TENM2: variants seen among roughly 807,000 people sequenced by gnomAD.
TENM2 encodes the protein teneurin-2.
TENM2 carries 52 observed loss-of-function variants against 245.2 expected under a neutral mutation model. The observed-to-expected ratio is 0.21, with a 90% CI of 0.17 to 0.27. The LOEUF (loss-of-function observed/expected upper bound fraction) is 0.27, where lower values mean the gene tolerates loss of function less well. Among genes scored for constraint, TENM2 ranks in the 10% least tolerant of loss-of-function variants. The pLI is 1.00. For synonymous variants in TENM2, 1,363 were observed against 1,438.9 expected (o/e 0.95, Z 1.19); for missense variants, 3,046 against 3,666.8 (o/e 0.83, Z 4.37).
intron 3 of TENM2, among the ~76,000 whole-genome samples, chr5:167,880,699 C>T (rs1413340442): frequency 1.3e-5 from 2 of 152,140 alleles, no homozygotes; most frequent in Non-Finnish European, 2.9e-5. Flanking sequence ...TTCCTTGTAA[C>T]CTCCCTTAAA....
chr5:167,473,018 C>G (rs1767135319), intron 2 of TENM2, among the ~76,000 whole-genome samples: 1 of 152,018 alleles, frequency 6.6e-6, no homozygotes, highest in Admixed American at 6.6e-5. Flanking sequence ...AACAAATACA[C>G]TCAGTTAAAA....
chr5:168,202,312 T>A (rs1367874910), intron 17 of TENM2, among the ~76,000 whole-genome samples: 1 of 152,108 alleles, frequency 6.6e-6, no homozygotes, highest in African/African-American at 2.4e-5. Flanking sequence ...TGATTCATTG[T>A]CCAGGGGTGG....
intron 2 of TENM2, among the ~76,000 whole-genome samples, chr5:167,808,848 A>T (rs982552938): frequency 4.6e-5 from 7 of 152,206 alleles, no homozygotes; most frequent in African/African-American, 1.7e-4. Context: ...CTATTCATTC[A>T]GTCATTTATC....
chr5:167,008,517 A>G, the TENM2 span, among the ~76,000 whole-genome samples: 1 of 152,162 alleles, frequency 6.6e-6, no homozygotes, highest in East Asian at 1.9e-4. Flanking sequence ...ACCAAAATGC[A>G]GGACACTTGA....
the TENM2 span, among the ~76,000 whole-genome samples, chr5:167,158,695 C>T: frequency 3.7e-4 from 57 of 152,104 alleles, no homozygotes; most frequent in Non-Finnish European, 7.3e-4. Context: ...TGTCTCCTTA[C>T]AAGGATACAA....
intron 2 of TENM2, among the ~76,000 whole-genome samples, chr5:167,772,011 G>T (rs530550534): frequency 6.6e-6 from 1 of 152,208 alleles, no homozygotes; most frequent in East Asian, 1.9e-4. Flanking sequence ...TATAATTAAG[G>T]ATGATCTTAC....
At chr5:167,372,369 T>C (rs1207273244) in intron 1 of TENM2, among the ~76,000 whole-genome samples, 1 of 152,230 alleles carries the variant, frequency 6.6e-6, no homozygotes, top group African/African-American at 2.4e-5. Flanking sequence ...TTCAATTTCT[T>C]ATCTCAAGTA....
At chr5:168,201,889 T>C (rs1431435201) in intron 17 of TENM2, among the ~76,000 whole-genome samples, 1 of 152,232 alleles carries the variant, frequency 6.6e-6, no homozygotes, top group Admixed American at 6.5e-5. Context: ...GTTCTCGAAT[T>C]GCATAATTAC....
intron 2 of TENM2, among the ~76,000 whole-genome samples, chr5:167,650,341 A>C (rs1473779297): frequency 6.6e-6 from 1 of 152,194 alleles, no homozygotes; most frequent in African/African-American, 2.4e-5. Flanking sequence ...GGTTCTTATA[A>C]CATGGCCTAA....
At chr5:168,091,943 G>T (rs1447540237) in intron 8 of TENM2, among the ~76,000 whole-genome samples, 3 of 152,226 alleles carry the variant, frequency 2.0e-5, no homozygotes, top group African/African-American at 7.2e-5. Context: ...CGTCCAGGAA[G>T]TAGAGGGTGA....
intron 2 of TENM2, among the ~76,000 whole-genome samples, chr5:167,646,229 A>ATG (rs1779958206): frequency 1.5e-5 from 2 of 131,260 alleles, no homozygotes; most frequent in Non-Finnish European, 3.1e-5. Context: ...ATATATATAT[A>ATG]TGTTGTTTTC....
chr5:167,426,287 C>T (rs2127432591), intron 2 of TENM2, among the ~76,000 whole-genome samples: 1 of 152,220 alleles, frequency 6.6e-6, no homozygotes, highest in Admixed American at 6.5e-5. Context: ...CTTCTATTCA[C>T]AATAGTATTT....
intron 2 of TENM2, among the ~76,000 whole-genome samples, chr5:167,701,767 G>C (rs976228384): frequency 6.6e-5 from 10 of 152,090 alleles, no homozygotes; most frequent in African/African-American, 2.4e-4. Flanking sequence ...ATTATTCTCT[G>C]GTCTGCATTG....
intron 2 of TENM2, among the ~76,000 whole-genome samples, chr5:167,848,030 G>T (rs1770209231): frequency 6.6e-6 from 1 of 152,122 alleles, no homozygotes; most frequent in South Asian, 2.1e-4. Context: ...CTAGCTTTAT[G>T]TTCCCTACAG....
In TENM2 at chr5:167,877,157, C is replaced by A. The variant is rs567895125; in HGVS notation, c.712+962C>A. Among the ~76,000 whole-genome samples the A allele has an allele frequency of 3.3e-5, 5 of 152,212 alleles. No homozygotes were observed. In the East Asian group the frequency reaches 9.7e-4, roughly 29 times the overall value. On this transcript the variant is annotated intron_variant, in intron 3 of 28. Transcript: ENST00000518659. ...CAGTCATGAGGTTAATTAGCATATC[C>A]CATCCAAAGCAATACAGAGCTTTCC...
chr5:167,101,849 T>TTATTTATATATATATATATATATA, the TENM2 span, among the ~76,000 whole-genome samples: 3 of 69,456 alleles, frequency 4.3e-5, no homozygotes, highest in Admixed American at 2.1e-4. Flanking sequence ...ATATATATAT[T>TTATTTATATATATATATATATATA]TATATATATA....
rs60784450 is a variant in TENM2, at chr5:168,036,677, G to GTATATATATA, written c.1187-10736_1187-10727dup. Among the ~76,000 whole-genome samples, 357 of 117,778 alleles carry GTATATATATA rather than the reference G, an allele frequency of 3.0e-3. 10 individuals carry two copies. Among genetic ancestry groups the GTATATATATA allele is most frequent in the African/African-American group, 8.5e-3 (250 of 29,522 alleles). The allele number at this position is 117,778 out of a possible 152,430, so 77.3% of individuals were successfully genotyped here. Reference sequence around the variant, plus strand: ...ATATATATATATAATATATGTATGTGTATATATATATATATATATATATGT... The same window carrying GTATATATATA: ...ATATATATATATAATATATGTATGTGTATATATATATATATATATATATATATATATATGT... On this transcript the variant is annotated intron_variant, in intron 5 of 28. Transcript: ENST00000518659.
chr5:167,585,249 T>G (rs1159864588), intron 2 of TENM2, among the ~76,000 whole-genome samples: 1 of 152,218 alleles, frequency 6.6e-6, no homozygotes, highest in Non-Finnish European at 1.5e-5. Context: ...GTACACTCTT[T>G]AGATGTTTTC....
At chr5:168,047,636 C>A in intron 6 of TENM2, 87 bp downstream of exon 8, 1 of 1,458,688 alleles carries the variant, frequency 6.9e-7, no homozygotes, top group Non-Finnish European at 9.2e-7. Flanking sequence ...TAATCCAAAT[C>A]TTGGAAGGTA....
Sources: allele counts gnomAD v4.1 joint callset (sites outside exome capture counted in the v4.1 genomes callset), GRCh38; gene constraint gnomAD v4.1.1; transcripts MANE v1.5; gene names NCBI Gene and HGNC (gene_info 2026-07-23, HGNC 2026-07-21).